Variants in SLC25A13 observed in about 807,000 individuals in gnomAD.
SLC25A13 encodes the protein electrogenic aspartate/glutamate antiporter SLC25A13, mitochondrial.
SLC25A13 carries 70 observed loss-of-function variants against 85.5 expected under a neutral mutation model. The observed-to-expected ratio is 0.82, with a 90% CI of 0.68 to 1.00. The LOEUF (loss-of-function observed/expected upper bound fraction) is 1.00. Among genes scored for constraint, SLC25A13 ranks in the 50% least tolerant of loss-of-function variants. The probability of loss-of-function intolerance (pLI) is 0.00; values close to 1 mark genes in which losing one functional copy is unlikely to be tolerated. For missense variants in SLC25A13, 765 were observed against 819.8 expected (o/e 0.93, Z 0.82); for synonymous variants, 259 against 288.7 (o/e 0.90, Z 1.04).
chr7:96,294,182 A>T (rs530053077), intron 2 of SLC25A13, among the ~76,000 whole-genome samples: 2 of 152,192 alleles, frequency 1.3e-5, no homozygotes, highest in South Asian at 4.2e-4. Context: ...TCGCAAGAAC[A>T]AAAAAACAAA....
intron 2 of SLC25A13, among the ~76,000 whole-genome samples, chr7:96,295,182 C>A (rs1799300293): frequency 6.6e-6 from 1 of 152,040 alleles, no homozygotes; most frequent in African/African-American, 2.4e-5. Flanking sequence ...CATGGTGAAA[C>A]CCCGTCTCTA....
chr7:96,186,038 G>C (rs868659542), intron 9 of SLC25A13, among the ~76,000 whole-genome samples: 1 of 152,106 alleles, frequency 6.6e-6, no homozygotes, highest in African/African-American at 2.4e-5. Context: ...CCTGGCAAAA[G>C]TTGATAACAA....
At chr7:96,158,244 C>A (rs756277727) in intron 13 of SLC25A13, among the ~76,000 whole-genome samples, 3 of 152,156 alleles carry the variant, frequency 2.0e-5, no homozygotes, top group Non-Finnish European at 2.9e-5. Context: ...GATAAAAATA[C>A]AAGCCTTCTT....
chr7:96,234,112 C>T (rs770130943), intron 4 of SLC25A13, among the ~76,000 whole-genome samples: 4 of 152,220 alleles, frequency 2.6e-5, no homozygotes, highest in African/African-American at 4.8e-5. Context: ...TAAATCTGTC[C>T]TTAGTAGCCA....
At chr7:96,158,482 C>T (rs755189363) in intron 13 of SLC25A13, among the ~76,000 whole-genome samples, 4 of 152,144 alleles carry the variant, frequency 2.6e-5, no homozygotes, top group Non-Finnish European at 4.4e-5. Context: ...ATGGTAGATA[C>T]TTATAGCTAC....
chr7:96,256,287 G>C (rs1455568747), intron 3 of SLC25A13, among the ~76,000 whole-genome samples: 3 of 152,138 alleles, frequency 2.0e-5, no homozygotes, highest in Admixed American at 2.0e-4. Context: ...ATGGGATAAA[G>C]AGTCAAGACC....
At chr7:96,315,130 A>G (rs1800083798) in intron 1 of SLC25A13, among the ~76,000 whole-genome samples, 1 of 152,198 alleles carries the variant, frequency 6.6e-6, no homozygotes, top group Non-Finnish European at 1.5e-5. Context: ...ATGCCTAAGC[A>G]CCCTGGAGAC....
At chr7:96,219,313 A>G (rs950756753) in intron 4 of SLC25A13, among the ~76,000 whole-genome samples, 2 of 152,168 alleles carry the variant, frequency 1.3e-5, no homozygotes, top group African/African-American at 4.8e-5. Flanking sequence ...TTCAAAAAAT[A>G]AGCACACACA....
chr7:96,209,244 C>T (rs1795593292), intron 4 of SLC25A13, among the ~76,000 whole-genome samples: 1 of 151,466 alleles, frequency 6.6e-6, no homozygotes, highest in Non-Finnish European at 1.5e-5. Flanking sequence ...GTAGGAAACC[C>T]AAGTAGAAAG....
intron 4 of SLC25A13, among the ~76,000 whole-genome samples, chr7:96,223,060 T>C (rs1350068953): frequency 6.6e-6 from 1 of 152,158 alleles, no homozygotes; most frequent in East Asian, 1.9e-4. Flanking sequence ...CTGTGAGATT[T>C]GCTAAAACCT....
At chr7:96,311,116 T>A (rs1256008114) in intron 1 of SLC25A13, among the ~76,000 whole-genome samples, 1 of 152,186 alleles carries the variant, frequency 6.6e-6, no homozygotes, top group African/African-American at 2.4e-5. Context: ...AGAGTGTGTA[T>A]TTAAATAATG....
intron 4 of SLC25A13, among the ~76,000 whole-genome samples, chr7:96,211,265 A>C (rs1165006067): frequency 1.3e-5 from 2 of 152,116 alleles, no homozygotes; most frequent in African/African-American, 4.8e-5. Flanking sequence ...TACACCATAG[A>C]CTGTGTGTGT....
intron 5 of SLC25A13, among the ~76,000 whole-genome samples, chr7:96,201,202 C>A (rs904893951): frequency 1.3e-5 from 2 of 152,046 alleles, no homozygotes; most frequent in African/African-American, 4.8e-5. Flanking sequence ...CAACTGGGTT[C>A]TTGGGCCACT....
intron 14 of SLC25A13, among the ~76,000 whole-genome samples, chr7:96,132,853 G>T (rs1415028940): frequency 6.6e-6 from 1 of 152,196 alleles, no homozygotes; most frequent in Non-Finnish European, 1.5e-5. Context: ...GCCTAGTAAT[G>T]CTGGATCTTG....
intron 3 of SLC25A13, among the ~76,000 whole-genome samples, chr7:96,261,788 G>A (rs552092593): frequency 7.2e-5 from 11 of 152,274 alleles, no homozygotes; most frequent in Admixed American, 6.5e-4. Context: ...CCTCACTGTT[G>A]TGGGATTTGG....
chr7:96,142,403 AGCT>A (rs1304010370), intron 14 of SLC25A13, among the ~76,000 whole-genome samples: 3 of 152,218 alleles, frequency 2.0e-5, no homozygotes, highest in African/African-American at 7.2e-5. Flanking sequence ...AGTGGCCTGC[AGCT>A]GCATCCATGT....
intron 1 of SLC25A13, among the ~76,000 whole-genome samples, chr7:96,320,626 T>C (rs189981085): frequency 1.5e-3 from 223 of 152,272 alleles, no homozygotes; most frequent in African/African-American, 5.1e-3. Flanking sequence ...TAGATAGATA[T>C]ACACACGCAC....
intron 14 of SLC25A13, among the ~76,000 whole-genome samples, chr7:96,134,085 G>C (rs1194820269): frequency 6.7e-6 from 1 of 150,040 alleles, no homozygotes; most frequent in African/African-American, 2.5e-5. Context: ...CTGGAATGCA[G>C]TGGCATGATC....
intron 3 of SLC25A13, among the ~76,000 whole-genome samples, chr7:96,248,035 C>A (rs1000156296): frequency 6.6e-6 from 1 of 151,762 alleles, no homozygotes; most frequent in Non-Finnish European, 1.5e-5. Flanking sequence ...AACAAGCATC[C>A]ACATCTAAGA....
Sources: gnomAD v4.1 joint callset for allele counts (sites outside exome capture counted in the v4.1 genomes callset) on GRCh38, gnomAD v4.1.1 for gene constraint, MANE v1.5 for transcripts, NCBI Gene and HGNC (gene_info 2026-07-23, HGNC 2026-07-21) for gene names.